The following OCA2 variants were observed in gnomAD, a reference collection of about 807,000 sequenced individuals.
OCA2 encodes OCA2 melanosomal transmembrane protein.
Under a neutral mutation model 100.2 loss-of-function variants are expected in OCA2, and 77 were observed. That is an observed-to-expected ratio of 0.77 (90% CI 0.64 to 0.93). The LOEUF is 0.93. Among genes scored for constraint, OCA2 ranks in the 40% least tolerant of loss-of-function variants. The pLI is 0.00. For missense variants in OCA2, 1,062 were observed against 1,089.1 expected, an observed-to-expected ratio of 0.98 and a Z score of 0.35; for synonymous variants, 432 against 439.2, an observed-to-expected ratio of 0.98 and a Z score of 0.21.
At chr15:27,747,470 C>T in the OCA2 span, among the ~76,000 whole-genome samples, 1 of 152,174 alleles carries the variant, frequency 6.6e-6, no homozygotes, top group African/African-American at 2.4e-5. Flanking sequence ...GACTAAAACA[C>T]TGCTGGTTTT....
intron 19 of OCA2, among the ~76,000 whole-genome samples, chr15:27,922,296 G>A (rs951260169): frequency 5.3e-5 from 8 of 152,192 alleles, no homozygotes; most frequent in Non-Finnish European, 1.2e-4. Flanking sequence ...GAAATACATG[G>A]GAATTGAGAG....
At chr15:27,958,979 C>A (rs753078053) in intron 15 of OCA2, among the ~76,000 whole-genome samples, 2 of 152,128 alleles carry the variant, frequency 1.3e-5, no homozygotes, top group Non-Finnish European at 2.9e-5. Flanking sequence ...ACCTTTTAAG[C>A]CCCTTCTGTT....
chr15:27,822,704 A>G (rs1179213000), intron 23 of OCA2, among the ~76,000 whole-genome samples: 1 of 152,156 alleles, frequency 6.6e-6, no homozygotes, highest in Non-Finnish European at 1.5e-5. Flanking sequence ...TAGTGAAATG[A>G]GAGTGAAATT....
intron 21 of OCA2, among the ~76,000 whole-genome samples, chr15:27,865,171 G>A (rs1305155916): frequency 1.3e-5 from 2 of 151,984 alleles, no homozygotes; most frequent in Non-Finnish European, 2.9e-5. Flanking sequence ...GATGGGTTCT[G>A]TTTTGTCTCT....
At chr15:27,776,556 C>G (rs2032227224) in intron 23 of OCA2, 1 of 152,390 alleles carries the variant, frequency 6.6e-6, no homozygotes, top group Non-Finnish European at 1.5e-5. Flanking sequence ...ACGGCCAGCC[C>G]ACACCGGCCT....
intron 9 of OCA2, among the ~76,000 whole-genome samples, chr15:27,997,519 T>C (rs2141079682): frequency 6.6e-6 from 1 of 152,062 alleles, no homozygotes; most frequent in South Asian, 2.1e-4. Context: ...AGGGCTCTGT[T>C]CTGTTCCATT....
At chr15:28,016,963 C>T (rs2042414178) in intron 7 of OCA2, among the ~76,000 whole-genome samples, 1 of 151,464 alleles carries the variant, frequency 6.6e-6, no homozygotes, top group Non-Finnish European at 1.5e-5. Flanking sequence ...ACAGGAGCCC[C>T]TGCAAGGAAG....
chr15:27,990,131 G>A (rs537135742), intron 10 of OCA2, among the ~76,000 whole-genome samples: 1 of 152,138 alleles, frequency 6.6e-6, no homozygotes. Context: ...CCCTGCCAGA[G>A]AGGCCCTGCT....
At chr15:27,770,855 T>TCCC (rs1566949026) in intron 23 of OCA2, among the ~76,000 whole-genome samples, 8 of 104,584 alleles carry the variant, frequency 7.6e-5, no homozygotes, top group East Asian at 1.1e-3. Flanking sequence ...CCTTCCTTCC[T>TCCC]TTCTTCCTTC....
At chr15:27,838,105 C>A (rs554205427) in intron 23 of OCA2, among the ~76,000 whole-genome samples, 7 of 152,084 alleles carry the variant, frequency 4.6e-5, no homozygotes, top group Admixed American at 4.6e-4. Flanking sequence ...ATTTCCCCAA[C>A]AAGCCACATG....
intron 23 of OCA2, among the ~76,000 whole-genome samples, chr15:27,789,228 T>G (rs1168523924): frequency 6.6e-6 from 1 of 150,588 alleles, no homozygotes; most frequent in African/African-American, 2.4e-5. Flanking sequence ...GAGGGTTGGA[T>G]TCAAGTTATT....
At chr15:28,010,508 A>G (rs1322894707) in intron 9 of OCA2, among the ~76,000 whole-genome samples, 1 of 152,218 alleles carries the variant, frequency 6.6e-6, no homozygotes, top group Non-Finnish European at 1.5e-5. Context: ...GGTAAATTCA[A>G]TAAAATGACA....
chr15:27,968,592 A>G (rs1171108783), intron 14 of OCA2, among the ~76,000 whole-genome samples: 3 of 152,234 alleles, frequency 2.0e-5, no homozygotes, highest in South Asian at 2.1e-4. Context: ...ATCACTTTCA[A>G]CATTATTAAA....
At chr15:27,918,310 T>G (rs2038740315) in intron 19 of OCA2, among the ~76,000 whole-genome samples, 1 of 152,054 alleles carries the variant, frequency 6.6e-6, no homozygotes, top group Non-Finnish European at 1.5e-5. Flanking sequence ...GGCCTCATGA[T>G]CCACCTGCCT....
chr15:27,893,139 C>T (rs764270841), intron 19 of OCA2, among the ~76,000 whole-genome samples: 2 of 152,170 alleles, frequency 1.3e-5, no homozygotes, highest in African/African-American at 2.4e-5. Context: ...ATGGAGGGAC[C>T]GGCTGGAGCC....
the OCA2 span, among the ~76,000 whole-genome samples, chr15:27,720,698 G>A: frequency 1.3e-5 from 2 of 152,134 alleles, no homozygotes; most frequent in Admixed American, 6.5e-5. Context: ...TTTGGGGGCT[G>A]ACAGACCTGT....
chr15:27,824,980 A>T (rs2034660866), intron 23 of OCA2, among the ~76,000 whole-genome samples: 1 of 152,144 alleles, frequency 6.6e-6, no homozygotes, highest in African/African-American at 2.4e-5. Flanking sequence ...CACACTCATG[A>T]ATGGCCTTGT....
At chr15:28,087,697 G>A (rs1417318242) in intron 1 of OCA2, among the ~76,000 whole-genome samples, 1 of 152,118 alleles carries the variant, frequency 6.6e-6, no homozygotes, top group Non-Finnish European at 1.5e-5. Flanking sequence ...CAGTGAGTCA[G>A]GATTGTGCCA....
intron 19 of OCA2, among the ~76,000 whole-genome samples, chr15:27,914,444 G>A (rs1244097620): frequency 1.3e-5 from 2 of 151,904 alleles, no homozygotes; most frequent in Non-Finnish European, 2.9e-5. Flanking sequence ...AGACAATATG[G>A]TTTTATACCT....
Sources: gnomAD v4.1 joint callset for allele counts (sites outside exome capture counted in the v4.1 genomes callset) on GRCh38, gnomAD v4.1.1 for gene constraint, MANE v1.5 for transcripts, NCBI Gene and HGNC (gene_info 2026-07-23, HGNC 2026-07-21) for gene names.